The following AHDC1 variants were observed in gnomAD, a reference collection of about 807,000 sequenced individuals.
AHDC1 encodes the protein AT-hook DNA binding motif containing 1.
In AHDC1, 7 loss-of-function variants were observed where a neutral mutation model predicts 87.9. The observed-to-expected ratio is 0.08, with a 90% CI of 0.05 to 0.15. The LOEUF (loss-of-function observed/expected upper bound fraction) is 0.15. AHDC1 is among the 10% of genes least tolerant of loss of function. The probability of loss-of-function intolerance (pLI) is 1.00; values close to 1 mark genes in which losing one functional copy is unlikely to be tolerated. For missense variants in AHDC1, 1,841 were observed against 2,253.2 expected (o/e 0.82, Z 3.70); for synonymous variants, 1,051 against 1,006.8 (o/e 1.04, Z -0.83).
intron 8 of AHDC1, among the ~76,000 whole-genome samples, chr1:27,536,872 G>T (rs1168587228): frequency 9.1e-6 from 1 of 110,162 alleles, no homozygotes; most frequent in African/African-American, 3.4e-5. Flanking sequence ...CCCCACCCCA[G>T]GCCCTTAGCC....
intron 3 of AHDC1, among the ~76,000 whole-genome samples, chr1:27,599,179 ACAGGGC>A (rs141660002): frequency 0.021 from 3,256 of 152,050 alleles, 111 homozygotes; most frequent in African/African-American, 0.072. Context: ...CAGCCCTACC[ACAGGGC>A]CAGGGCCAGG....
intron 3 of AHDC1, among the ~76,000 whole-genome samples, chr1:27,596,737 ACCC>A (rs373598347): frequency 2.0e-5 from 3 of 151,548 alleles, no homozygotes; most frequent in African/African-American, 7.3e-5. Flanking sequence ...TCATATATGT[ACCC>A]CCATCACACA....
chr1:27,563,199 C>T lies in AHDC1; in HGVS notation c.-628-4316G>A, dbSNP rs1158948878. On this transcript the variant is annotated intron_variant, in intron 3 of 8. Transcript: ENST00000673934. This position sits in a 1 kb window ranked among gnomAD's most constrained non-coding sequence, Gnocchi z 6.1. ...TGACCAAGACACACACACATGCACA[C>T]ACACACAGAACCTGTCACACAGCTG... is the stretch of plus-strand genomic sequence containing the variant. Among the ~76,000 whole-genome samples, 3 of 151,714 alleles carry T rather than the reference C, an allele frequency of 2.0e-5. No homozygotes were observed. The highest frequency in any genetic ancestry group is 6.6e-5 in the Admixed American group (1 of 15,238).
chr1:27,547,270 A>C lies in AHDC1; in HGVS notation c.*34T>G. On this transcript the variant is annotated 3_prime_UTR_variant, in exon 8 of 9. Transcript: ENST00000673934. This position sits in a 1 kb window ranked among gnomAD's most constrained non-coding sequence, Gnocchi z 4.9. Reference sequence around the variant, plus strand: ...ACATCCCCAGACTCACCCAGGAACAAAACCTCGCGGTCCAGTCGGCACTTC... The same window carrying C: ...ACATCCCCAGACTCACCCAGGAACACAACCTCGCGGTCCAGTCGGCACTTC... 1 of 1,513,086 alleles carries C rather than the reference A, an allele frequency of 6.6e-7. No individual in the cohort carries two copies. Among genetic ancestry groups the C allele is most frequent in the African/African-American group, 1.4e-5 (1 of 71,712 alleles). 93.7% of individuals were successfully genotyped at this position (1,513,086 alleles called of 1,614,324 possible).
At position 27,591,212 on chromosome 1, in the gene AHDC1, C is replaced by T. The variant is rs553806148; in HGVS notation, c.-629+12185G>A. Among the ~76,000 whole-genome samples the T allele has an allele frequency of 4.6e-5, 7 of 152,296 alleles. No individual in the cohort carries two copies. In the South Asian group the frequency reaches 1.2e-3, roughly 27 times the overall value. On this transcript the variant is annotated intron_variant, in intron 3 of 8. Coordinates refer to ENST00000673934, the MANE Select transcript of AHDC1 (RefSeq NM_001371928.1). ...CCCTAAGGAGTCTGCCAACAGACCC[C>T]TGCACCCTCCTAGAAGCTGGGTGCT...
In AHDC1 at chr1:27,569,639, C is replaced by T. The variant is rs141996627; in HGVS notation, c.-628-10756G>A. The stretch of plus-strand genomic sequence containing the variant: ...AGAACATCTCCTACCTCTAAGCTTC[C>T]CCAGCCCTGATGCTGGCCGTCAGGA... On this transcript the variant is annotated intron_variant, in intron 3 of 8. Transcript: ENST00000673934. Among the ~76,000 whole-genome samples, 1,491 of 152,300 alleles carry T rather than the reference C, an allele frequency of 9.8e-3. 10 individuals carry two copies. The highest frequency in any genetic ancestry group is 0.017 in the Middle Eastern group (5 of 294).
In AHDC1 at chr1:27,595,898, G is replaced by C. The variant is rs962872227; in HGVS notation, c.-629+7499C>G. 6.6e-6 allele frequency among the ~76,000 whole-genome samples: 1 copy of C among 151,876 alleles called. No individual in the cohort carries two copies. Among genetic ancestry groups the C allele is most frequent in the African/African-American group, 2.4e-5 (1 of 41,278 alleles). On this transcript the variant is annotated intron_variant, in intron 3 of 8. Coordinates refer to ENST00000673934, the MANE Select transcript of AHDC1 (RefSeq NM_001371928.1). The surrounding 1 kb of genome is among the most constrained non-coding windows in gnomAD (Gnocchi z 4.0). The stretch of plus-strand genomic sequence containing the variant: ...ATGTCGGGGGGTATCTGTATGTAGA[G>C]TGTGTGTGTGGAAGTGTGTGGGCTG...
rs200249799 is a variant in AHDC1 at position 27,549,183 on chromosome 1, T to C, written c.2933A>G (p.Gln978Arg). The C allele has an allele frequency of 1.7e-4, 272 of 1,584,686 alleles. 2 individuals are homozygous for C. Among genetic ancestry groups the C allele is most frequent in the Non-Finnish European group, 6.9e-6 (8 of 1,165,046 alleles). ...GGGCTTAGTTGGGGCGAATACGCTTTGTCCGGCCCCATAGCCGCCGTACTG... is the reference window on the plus strand; with the variant it reads ...GGGCTTAGTTGGGGCGAATACGCTTCGTCCGGCCCCATAGCCGCCGTACTG... ...LPQYGGYGAGQSVFAPTKPFT... is the reference protein window; with the variant it reads ...LPQYGGYGAGRSVFAPTKPFT... The change falls in exon 8 of 9, where the codon CAA becomes CGA. Residue 978 changes from glutamine to arginine, a missense_variant. Around this residue, in one of 13 missense-constraint regions of AHDC1, gnomAD observed 378 missense variants for 399.0 expected, o/e 0.95. Transcript: ENST00000673934.
chr1:27,541,986 T>C (rs923238785), intron 8 of AHDC1, among the ~76,000 whole-genome samples: 3 of 152,228 alleles, frequency 2.0e-5, no homozygotes, highest in African/African-American at 4.8e-5. Flanking sequence ...GGCAGGGCAC[T>C]GTGTGTCTTG....
intron 3 of AHDC1, among the ~76,000 whole-genome samples, chr1:27,579,602 A>G (rs988532184): frequency 3.3e-5 from 5 of 151,756 alleles, no homozygotes; most frequent in Non-Finnish European, 2.9e-5. Context: ...TCACTGTCTA[A>G]TTAGGTTTAA....
intron 5 of AHDC1, among the ~76,000 whole-genome samples, chr1:27,557,348 C>T (rs907223188): frequency 6.6e-5 from 10 of 151,564 alleles, no homozygotes. Flanking sequence ...CCTCCTCCAG[C>T]CCCACTAGGC....
intron 8 of AHDC1, among the ~76,000 whole-genome samples, chr1:27,538,869 G>A (rs1315218229): frequency 1.3e-5 from 2 of 152,064 alleles, no homozygotes; most frequent in African/African-American, 4.8e-5. Context: ...GAGATCTTCC[G>A]GCACTGGGAT....
rs2089358380 is a variant in AHDC1, at chr1:27,595,912, G to A, written c.-629+7485C>T. ...CTGTATGTAGAGTGTGTGTGTGGAA[G>A]TGTGTGGGCTGGGTGTTGTAGGTGG... On this transcript the variant is annotated intron_variant, in intron 3 of 8. Coordinates refer to ENST00000673934, the MANE Select transcript of AHDC1 (RefSeq NM_001371928.1). This position sits in a 1 kb window ranked among gnomAD's most constrained non-coding sequence, Gnocchi z 4.0. Among the ~76,000 whole-genome samples the A allele has an allele frequency of 6.6e-6, 1 of 152,000 alleles. No homozygotes were observed. Among genetic ancestry groups the A allele is most frequent in the South Asian group, 2.1e-4 (1 of 4,830 alleles).
chr1:27,584,189 G>A (rs770182721), intron 3 of AHDC1, among the ~76,000 whole-genome samples: 5 of 152,208 alleles, frequency 3.3e-5, no homozygotes, highest in South Asian at 2.1e-4. Flanking sequence ...AACCCAAGCC[G>A]TCTGACTCCA....
rs2089170535 is a variant in AHDC1, at chr1:27,589,749, G to C, written c.-629+13648C>G. On this transcript the variant is annotated intron_variant, in intron 3 of 8. Transcript: ENST00000673934. The stretch of plus-strand genomic sequence containing the variant: ...GGGTTTGTCACAGACTGGTGAGCAA[G>C]TTAATCTCAGACTCTGTGACACGTG... Among the ~76,000 whole-genome samples the C allele has an allele frequency of 3.3e-5, 5 of 152,160 alleles. No individual in the cohort carries two copies. In the South Asian group the frequency reaches 1.0e-3, roughly 31 times the overall value.
At chr1:27,576,239 G>A (rs2088744266) in intron 3 of AHDC1, among the ~76,000 whole-genome samples, 1 of 152,140 alleles carries the variant, frequency 6.6e-6, no homozygotes, top group South Asian at 2.1e-4. Context: ...GGCTTTATAG[G>A]GTAGGTGCCA....
chr1:27,591,714 G>A (rs2089228326), intron 3 of AHDC1, among the ~76,000 whole-genome samples: 1 of 152,194 alleles, frequency 6.6e-6, no homozygotes, highest in Admixed American at 6.5e-5. Flanking sequence ...GGGACATACA[G>A]ACCCGGATTA....
chr1:27,599,797 T>C (rs756573876), intron 3 of AHDC1, among the ~76,000 whole-genome samples: 7 of 152,086 alleles, frequency 4.6e-5, no homozygotes, highest in Non-Finnish European at 7.4e-5. Context: ...TTCCAGGCAT[T>C]TGGGGAGGGC....
chr1:27,536,207 GGCT>G (rs1048208046), intron 8 of AHDC1, among the ~76,000 whole-genome samples: 2 of 152,134 alleles, frequency 1.3e-5, no homozygotes, highest in African/African-American at 4.8e-5. Flanking sequence ...GCTCAGCCTC[GGCT>G]GCTGTCTGCT....
Sources: allele counts gnomAD v4.1 joint callset (sites outside exome capture counted in the v4.1 genomes callset), GRCh38; gene constraint gnomAD v4.1.1; regional missense constraint gnomAD v4.1.1; non-coding constraint Gnocchi (gnomAD v3.1); transcripts MANE v1.5; gene names NCBI Gene and HGNC (gene_info 2026-07-23, HGNC 2026-07-21).